The following ERI1 variants were observed in gnomAD, a reference collection of about 807,000 sequenced individuals.
The protein encoded by ERI1 is 3'-5' exoribonuclease 1.
A neutral mutation model predicts 39.7 loss-of-function variants in ERI1; 39 were observed. That is an observed-to-expected ratio of 0.98 (90% CI 0.76 to 1.28). The LOEUF is 1.28. ERI1 is among the 50% of genes most tolerant of loss of function. The pLI is 0.00. For missense variants in ERI1, 581 were observed against 416.9 expected, an observed-to-expected ratio of 1.39 and a Z score of -3.43; for synonymous variants, 204 against 149.6, an observed-to-expected ratio of 1.36 and a Z score of -2.65.
intron 4 of ERI1, among the ~76,000 whole-genome samples, chr8:9,017,780 T>C (rs1817464797): frequency 6.6e-6 from 1 of 152,208 alleles, no homozygotes. Context: ...GCAATCCAGA[T>C]CCTGAAGGGT....
chr8:9,099,169 A>C (rs1241013876), intron 3 of ERI1, among the ~76,000 whole-genome samples: 2 of 152,188 alleles, frequency 1.3e-5, no homozygotes, highest in African/African-American at 4.8e-5. Context: ...GTATATACCC[A>C]TAAAACCATC....
At chr8:9,074,068 A>G (rs1405923037) in intron 3 of ERI1, among the ~76,000 whole-genome samples, 3 of 149,800 alleles carry the variant, frequency 2.0e-5, no homozygotes, top group Non-Finnish European at 4.4e-5. Flanking sequence ...TTACAGGTGT[A>G]TAAGCCACCG....
At chr8:9,059,765 C>A (rs113870819) in intron 3 of ERI1, among the ~76,000 whole-genome samples, 2 of 152,208 alleles carry the variant, frequency 1.3e-5, no homozygotes, top group African/African-American at 4.8e-5. Context: ...GCGATATCAG[C>A]TGCGATGGCT....
At chr8:9,020,113 A>G (rs1361896822) in intron 5 of ERI1, among the ~76,000 whole-genome samples, 6 of 152,200 alleles carry the variant, frequency 3.9e-5, no homozygotes, top group Admixed American at 3.9e-4. Flanking sequence ...AACAATCAAG[A>G]TGAGCCTAAT....
At chr8:9,068,194 C>G (rs916484247) in intron 3 of ERI1, among the ~76,000 whole-genome samples, 3 of 152,150 alleles carry the variant, frequency 2.0e-5, no homozygotes, top group African/African-American at 7.2e-5. Context: ...GTATTATATA[C>G]AATTGACCTG....
At chr8:9,090,940 A>C (rs973735123) in intron 3 of ERI1, among the ~76,000 whole-genome samples, 1 of 152,312 alleles carries the variant, frequency 6.6e-6, no homozygotes, top group East Asian at 1.9e-4. Flanking sequence ...TATAGTGTGT[A>C]ATATTACTTT....
downstream of ERI1, among the ~76,000 whole-genome samples, chr8:9,033,568 A>C (rs543829435): frequency 2.9e-5 from 1 of 33,936 alleles, no homozygotes; most frequent in South Asian, 1.0e-3. Context: ...GCTGAATGTT[A>C]AGGTACAATG....
chr8:9,074,696 A>G (rs2117435922), intron 3 of ERI1, among the ~76,000 whole-genome samples: 1 of 152,338 alleles, frequency 6.6e-6, no homozygotes, highest in South Asian at 2.1e-4. Flanking sequence ...GGGCTTCCAA[A>G]GTTGCTGGGG....
intron 3 of ERI1, among the ~76,000 whole-genome samples, chr8:9,040,924 G>T (rs1797997161): frequency 6.6e-6 from 1 of 152,140 alleles, no homozygotes; most frequent in Non-Finnish European, 1.5e-5. Context: ...AGTAACACCT[G>T]GGTTAGCATT....
intron 3 of ERI1, among the ~76,000 whole-genome samples, chr8:9,084,472 G>A (rs934128265): frequency 6.6e-6 from 1 of 152,110 alleles, no homozygotes; most frequent in Non-Finnish European, 1.5e-5. Flanking sequence ...TTGTGTAGTT[G>A]CCTGCCTTCC....
In ERI1 at chr8:9,008,026, C is replaced by T. The variant is rs768340460; in HGVS notation, c.165C>T (p.Thr55=). ...AGACAAAAGGATCCAAGTTCATTAC[C>T]TCCAGTGCGAGTGACTTCAGTGACC... is the stretch of plus-strand genomic sequence containing the variant. ...GQETKGSKFI[T]SSASDFSDPV... The change falls in exon 2 of 7, where the codon ACC becomes ACT. Residue 55 remains threonine, a synonymous_variant. Transcript: ENST00000250263. The T allele has an allele frequency of 1.2e-5, 20 of 1,606,926 alleles. No individual in the cohort carries two copies. In the East Asian group the frequency reaches 1.6e-4, roughly 13 times the overall value.
rs530602159 is a variant in ERI1 at position 9,008,626 on chromosome 8, A to G, written c.287+478A>G. ...ACAATGATCGTTTGCATTATGTTTC[A>G]CTGTATATTGAGTGAGAAAACAATG... is the stretch of plus-strand genomic sequence containing the variant. On this transcript the variant is annotated intron_variant, in intron 2 of 6. Transcript: ENST00000250263. 4.5e-4 allele frequency among the ~76,000 whole-genome samples: 68 copies of G among 152,294 alleles called. No individual in the cohort carries two copies. The Middle Eastern group carries it at 0.01, about 23-fold the overall frequency.
At chr8:9,057,443 C>G (rs982978090) in intron 3 of ERI1, among the ~76,000 whole-genome samples, 1 of 152,178 alleles carries the variant, frequency 6.6e-6, no homozygotes, top group Non-Finnish European at 1.5e-5. Flanking sequence ...ACCTAGATGA[C>G]CCAGCACGTA....
Position 9,033,206 on chromosome 8 carries a change from G to GT in ERI1, c.*3172_*3173insT, listed in dbSNP as rs1323283187. 2 of 332 alleles carry GT rather than the reference G, an allele frequency of 6.0e-3. No individual in the cohort carries two copies. The highest frequency in any genetic ancestry group is 0.016 in the African/African-American group (2 of 124). The allele number at this position is 332 out of a possible 1,614,324, so 0.0% of individuals were successfully genotyped here. On this transcript the variant is annotated 3_prime_UTR_variant, in exon 7 of 7. Coordinates refer to ENST00000250263, the MANE Select transcript of ERI1 (RefSeq NM_153332.4). ...AAACTACCACCCATGGGCCAAATCT[G>GT]GCTGCTGCCTATTTTTGTATGGCCT...
At chr8:9,019,439 G>C (rs768272437) in intron 5 of ERI1, among the ~76,000 whole-genome samples, 1 of 152,186 alleles carries the variant, frequency 6.6e-6, no homozygotes, top group Non-Finnish European at 1.5e-5. Flanking sequence ...AATGAGCAGT[G>C]CTCTGCTAAA....
intron 3 of ERI1, among the ~76,000 whole-genome samples, chr8:9,083,880 G>A (rs948000285): frequency 2.0e-5 from 3 of 151,822 alleles, no homozygotes; most frequent in East Asian, 1.9e-4. Flanking sequence ...TGCAAACTCC[G>A]CCTCCTGGGT....
intron 6 of ERI1, among the ~76,000 whole-genome samples, chr8:9,027,079 C>A (rs1231048006): frequency 6.6e-6 from 1 of 151,734 alleles, no homozygotes; most frequent in East Asian, 1.9e-4. Flanking sequence ...TACATTCCTG[C>A]CAGCAATGCA....
intron 3 of ERI1, among the ~76,000 whole-genome samples, chr8:9,044,437 T>C (rs1798115858): frequency 6.6e-6 from 1 of 152,102 alleles, no homozygotes; most frequent in Admixed American, 6.5e-5. Flanking sequence ...CATCACTGCG[T>C]CAGTTCAGTA....
At chr8:9,091,336 C>G (rs966364299) in intron 3 of ERI1, 2 of 152,050 alleles carry the variant, frequency 1.3e-5, no homozygotes, top group Admixed American at 6.5e-5. Flanking sequence ...GCCTGGACAA[C>G]ATGGTGAAAC....
Sources: gnomAD v4.1 joint callset for allele counts (sites outside exome capture counted in the v4.1 genomes callset) on GRCh38, gnomAD v4.1.1 for gene constraint, MANE v1.5 for transcripts, NCBI Gene and HGNC (gene_info 2026-07-23, HGNC 2026-07-21) for gene names.